FBLN2: variants seen among roughly 807,000 people sequenced by gnomAD.
The protein encoded by FBLN2 is fibulin-2.
In FBLN2, 81 loss-of-function variants were observed where a neutral mutation model predicts 123.7. The ratio of observed to expected loss-of-function variants is 0.65; its 90% CI spans 0.55 to 0.79. FBLN2 has a LOEUF of 0.79. Ranked by LOEUF, FBLN2 falls within the 30% of genes least tolerant of loss-of-function variation. The pLI, the probability that FBLN2 is intolerant of heterozygous loss-of-function variation, is 0.00. For synonymous variants in FBLN2, 699 were observed against 701.4 expected, an observed-to-expected ratio of 1.00 and a Z score of 0.05; for missense variants, 1,603 against 1,681.3, an observed-to-expected ratio of 0.95 and a Z score of 0.81.
chr3:13,580,813 T>A (rs542015170), intron 2 of FBLN2, among the ~76,000 whole-genome samples: 131 of 152,322 alleles, frequency 8.6e-4, no homozygotes, highest in African/African-American at 3.1e-3. Context: ...CCACAGCTCC[T>A]CCGTAGCGCA....
In FBLN2 at chr3:13,636,352, G is replaced by A. The variant is rs1706467350; in HGVS notation, c.3215-93G>A. The A allele has an allele frequency of 2.0e-6, 3 of 1,504,474 alleles. No homozygotes were observed. In the Admixed American group the frequency reaches 6.0e-5, roughly 30 times the overall value. The allele number at this position is 1,504,474 out of a possible 1,614,324, so 93.2% of individuals were successfully genotyped here. ...GCGGGCTATTCTCACAGGTCCGGCT[G>A]CCGTGGGGCCCAGGCCTTTCATGCA... On this transcript the variant is annotated intron_variant, in intron 16 of 17. Coordinates refer to ENST00000404922, the MANE Select transcript of FBLN2 (RefSeq NM_001004019.2).
At chr3:13,551,649 C>A (rs1422410117) in intron 1 of FBLN2, among the ~76,000 whole-genome samples, 1 of 152,160 alleles carries the variant, frequency 6.6e-6, no homozygotes, top group East Asian at 1.9e-4. Flanking sequence ...CCATCCACAC[C>A]TCACACGCAA....
intron 4 of FBLN2, among the ~76,000 whole-genome samples, chr3:13,612,617 G>A (rs1456438148): frequency 8.0e-6 from 1 of 125,494 alleles, no homozygotes; most frequent in Admixed American, 6.8e-5. Flanking sequence ...TCCTGACCTC[G>A]TGATCCACCC....
intron 16 of FBLN2, among the ~76,000 whole-genome samples, chr3:13,634,422 C>T (rs1259148623): frequency 6.6e-6 from 1 of 152,266 alleles, no homozygotes; most frequent in African/African-American, 2.4e-5. Flanking sequence ...TGTAGCCGCT[C>T]ACCCTTCTTG....
At chr3:13,633,649 G>A (rs1559429442) in intron 16 of FBLN2, among the ~76,000 whole-genome samples, 1 of 152,236 alleles carries the variant, frequency 6.6e-6, no homozygotes, top group Non-Finnish European at 1.5e-5. Flanking sequence ...GGTGGGGGGA[G>A]GCTGGCTTGG....
chr3:13,614,183 TG>T lies in FBLN2; in HGVS notation c.1729+21del. ...CGGAGAGGTGAGTGCTGCTCTTCCC[TG>T]GCTGCGGCATATAGGGCGAAGGCTG... is the stretch of plus-strand genomic sequence containing the variant. On this transcript the variant is annotated intron_variant, in intron 5 of 17. Coordinates refer to ENST00000404922, the MANE Select transcript of FBLN2 (RefSeq NM_001004019.2). 1 of 1,605,586 alleles carries T rather than the reference TG, an allele frequency of 6.2e-7. No homozygotes were observed. The highest frequency in any genetic ancestry group is 8.5e-7 in the Non-Finnish European group (1 of 1,178,144).
intron 2 of FBLN2, among the ~76,000 whole-genome samples, chr3:13,595,903 C>T (rs994055817): frequency 2.0e-5 from 3 of 152,186 alleles, no homozygotes; most frequent in African/African-American, 4.8e-5. Flanking sequence ...TCCTCCCTCC[C>T]CAGGGCTGAG....
chr3:13,608,040 T>A, intron 2 of FBLN2, 22 bp from the exon 3 acceptor site: 1 of 1,549,732 alleles, frequency 6.5e-7, no homozygotes, highest in Non-Finnish European at 8.7e-7. Context: ...ATGGTGACTC[T>A]GCCTCATGTT....
chr3:13,554,111 AG>A (rs888743505), intron 1 of FBLN2, among the ~76,000 whole-genome samples: 6 of 152,310 alleles, frequency 3.9e-5, no homozygotes, highest in African/African-American at 1.4e-4. Flanking sequence ...GCCTGGTGGT[AG>A]GGGCCCCCAG....
At chr3:13,555,595 C>T (rs1158536673) in intron 1 of FBLN2, among the ~76,000 whole-genome samples, 2 of 152,108 alleles carry the variant, frequency 1.3e-5, no homozygotes, top group Non-Finnish European at 2.9e-5. Context: ...GCTGGGACTA[C>T]AGGCGCCCGC....
intron 9 of FBLN2, among the ~76,000 whole-genome samples, chr3:13,622,698 G>C (rs187056894): frequency 3.3e-5 from 5 of 152,216 alleles, no homozygotes; most frequent in Non-Finnish European, 7.3e-5. Context: ...TGGGCCAGGC[G>C]CCGTGGCTCT....
intron 2 of FBLN2, among the ~76,000 whole-genome samples, chr3:13,601,598 C>G (rs1178242316): frequency 6.6e-6 from 1 of 152,228 alleles, no homozygotes; most frequent in African/African-American, 2.4e-5. Context: ...CACAGCACCT[C>G]TCAGTTGCCC....
At chr3:13,572,028 G>C (rs1439656494) in intron 2 of FBLN2, among the ~76,000 whole-genome samples, 1 of 152,222 alleles carries the variant, frequency 6.6e-6, no homozygotes, top group African/African-American at 2.4e-5. Context: ...GAAATGCGAA[G>C]GGCGGTCTCT....
At chr3:13,608,729 T>C (rs182116028) in intron 3 of FBLN2, among the ~76,000 whole-genome samples, 6 of 152,254 alleles carry the variant, frequency 3.9e-5, no homozygotes, top group Admixed American at 3.3e-4. Flanking sequence ...TGCTTTGTTT[T>C]TTTCCAGGGA....
At chr3:13,556,782 C>G (rs1459205047) in intron 1 of FBLN2, among the ~76,000 whole-genome samples, 1 of 152,202 alleles carries the variant, frequency 6.6e-6, no homozygotes, top group Non-Finnish European at 1.5e-5. Context: ...ACAGTGACTT[C>G]GGAAGTTGGC....
At chr3:13,592,692 T>C (rs1249972083) in intron 2 of FBLN2, among the ~76,000 whole-genome samples, 1 of 152,216 alleles carries the variant, frequency 6.6e-6, no homozygotes, top group East Asian at 1.9e-4. Context: ...TGTAGAGTTC[T>C]TGTATATCTT....
intron 1 of FBLN2, among the ~76,000 whole-genome samples, chr3:13,569,810 G>A (rs1703865558): frequency 6.7e-6 from 1 of 148,472 alleles, no homozygotes; most frequent in Admixed American, 6.8e-5. Context: ...CTGGGGGGAG[G>A]GATTGGTCGG....
intron 16 of FBLN2, among the ~76,000 whole-genome samples, chr3:13,632,641 C>T (rs1307356054): frequency 6.6e-6 from 1 of 152,084 alleles, no homozygotes; most frequent in East Asian, 1.9e-4. Flanking sequence ...GCAGTGTGAC[C>T]CTAGGTTCCA....
At chr3:13,586,494 TG>T (rs1266013899) in intron 2 of FBLN2, among the ~76,000 whole-genome samples, 2 of 134,870 alleles carry the variant, frequency 1.5e-5, no homozygotes, top group African/African-American at 3.2e-5. Context: ...ATGTCTTAGT[TG>T]TTTTTTTTTT....
Sources: gnomAD v4.1 joint callset for allele counts (sites outside exome capture counted in the v4.1 genomes callset) on GRCh38, gnomAD v4.1.1 for gene constraint, MANE v1.5 for transcripts, NCBI Gene and HGNC (gene_info 2026-07-23, HGNC 2026-07-21) for gene names.